The following CDH8 variants were observed in gnomAD, a reference collection of about 807,000 sequenced individuals.
CDH8 encodes cadherin 8.
A neutral mutation model predicts 68.1 loss-of-function variants in CDH8; 17 were observed. The ratio of observed to expected loss-of-function variants is 0.25; its 90% CI spans 0.17 to 0.37. CDH8 has a LOEUF of 0.37. Ranked by LOEUF, CDH8 falls within the 10% of genes least tolerant of loss-of-function variation. The pLI, the probability that CDH8 is intolerant of heterozygous loss-of-function variation, is 1.00. For synonymous variants in CDH8, 372 were observed against 365.1 expected, an observed-to-expected ratio of 1.02 and a Z score of -0.21; for missense variants, 763 against 999.3, an observed-to-expected ratio of 0.76 and a Z score of 3.19.
intron 2 of CDH8, among the ~76,000 whole-genome samples, chr16:62,006,768 T>G (rs557323404): frequency 6.6e-6 from 1 of 152,346 alleles, no homozygotes; most frequent in African/African-American, 2.4e-5. Context: ...AAACTAGCAT[T>G]AGCCTTTTCT....
chr16:61,916,565 T>C (rs1416500167), intron 2 of CDH8, among the ~76,000 whole-genome samples: 1 of 152,122 alleles, frequency 6.6e-6, no homozygotes, highest in African/African-American at 2.4e-5. Context: ...AAACGTTGTG[T>C]CTGGCCTGGT....
At chr16:61,925,134 GCTGAGGCAGT>G (rs1964436339) in intron 2 of CDH8, among the ~76,000 whole-genome samples, 1 of 152,114 alleles carries the variant, frequency 6.6e-6, no homozygotes, top group Non-Finnish European at 1.5e-5. Flanking sequence ...GAGAAAAATT[GCTGAGGCAGT>G]CCAAGAAGCT....
At chr16:61,807,598 A>AT (rs1961825507) in intron 7 of CDH8, among the ~76,000 whole-genome samples, 1 of 152,196 alleles carries the variant, frequency 6.6e-6, no homozygotes, top group Non-Finnish European at 1.5e-5. Context: ...TGCTGTGCAG[A>AT]TTGCCCTTCA....
chr16:61,779,681 T>C (rs1960997400), intron 8 of CDH8, among the ~76,000 whole-genome samples: 1 of 152,188 alleles, frequency 6.6e-6, no homozygotes. Context: ...GTTCTTCAGT[T>C]TCCTAATCTA....
intron 10 of CDH8, among the ~76,000 whole-genome samples, chr16:61,699,312 G>A (rs781034131): frequency 1.1e-4 from 17 of 152,084 alleles, no homozygotes; most frequent in African/African-American, 2.4e-4. Flanking sequence ...ACCACCATGC[G>A]TTGGATTTTA....
At chr16:61,663,429 T>C (rs1163191330) in intron 10 of CDH8, among the ~76,000 whole-genome samples, 2 of 152,036 alleles carry the variant, frequency 1.3e-5, no homozygotes, top group African/African-American at 4.8e-5. Context: ...TATGCATTAC[T>C]CTTGTGAAGT....
At chr16:61,984,798 A>G (rs1035572489) in intron 2 of CDH8, among the ~76,000 whole-genome samples, 1 of 152,192 alleles carries the variant, frequency 6.6e-6, no homozygotes, top group South Asian at 2.1e-4. Context: ...TATGCCTTCT[A>G]AAACTTATAC....
At chr16:61,771,557 A>G (rs554522760) in intron 8 of CDH8, among the ~76,000 whole-genome samples, 1 of 151,826 alleles carries the variant, frequency 6.6e-6, no homozygotes, top group Non-Finnish European at 1.5e-5. Flanking sequence ...ACTAAACAAA[A>G]ACAAAGCTTG....
intron 8 of CDH8, among the ~76,000 whole-genome samples, chr16:61,748,844 ATCTAC>A (rs1434727337): frequency 6.6e-6 from 1 of 152,054 alleles, no homozygotes; most frequent in Non-Finnish European, 1.5e-5. Flanking sequence ...GGGAAACTTT[ATCTAC>A]TCTCAGCAGC....
intron 2 of CDH8, among the ~76,000 whole-genome samples, chr16:61,943,275 G>C (rs1964752742): frequency 6.6e-6 from 1 of 152,164 alleles, no homozygotes; most frequent in Non-Finnish European, 1.5e-5. Context: ...ACCTAGAAGA[G>C]TGGCTATTTC....
chr16:62,034,100 T>C (rs1035104543), intron 1 of CDH8, among the ~76,000 whole-genome samples: 2 of 152,082 alleles, frequency 1.3e-5, no homozygotes, highest in East Asian at 1.9e-4. Context: ...AAAAAGAATG[T>C]AACCCTAAGA....
chr16:61,875,020 G>C (rs1187277946), intron 3 of CDH8, among the ~76,000 whole-genome samples: 2 of 152,122 alleles, frequency 1.3e-5, no homozygotes, highest in Non-Finnish European at 2.9e-5. Flanking sequence ...AAAATCTTTG[G>C]TGGAAACATT....
chr16:61,770,380 G>A (rs1960747243), intron 8 of CDH8, among the ~76,000 whole-genome samples: 2 of 151,822 alleles, frequency 1.3e-5, no homozygotes, highest in Non-Finnish European at 2.9e-5. Flanking sequence ...CCTAAGTCAT[G>A]ATTCTTATTA....
intron 2 of CDH8, among the ~76,000 whole-genome samples, chr16:61,922,452 C>T (rs982206820): frequency 1.3e-5 from 2 of 152,044 alleles, no homozygotes; most frequent in Admixed American, 1.3e-4. Context: ...TATAAAAAGA[C>T]ATATAAAGAG....
At chr16:61,783,791 TAAAGA>T (rs1395934336) in intron 8 of CDH8, among the ~76,000 whole-genome samples, 1 of 152,016 alleles carries the variant, frequency 6.6e-6, no homozygotes, top group Non-Finnish European at 1.5e-5. Flanking sequence ...TCAACATTCT[TAAAGA>T]AAAGAATTTT....
chr16:61,700,763 G>T (rs944537549), intron 10 of CDH8, among the ~76,000 whole-genome samples: 1 of 152,098 alleles, frequency 6.6e-6, no homozygotes, highest in African/African-American at 2.4e-5. Flanking sequence ...GGTAGCCAAA[G>T]GCTCTTTAAT....
intron 1 of CDH8, among the ~76,000 whole-genome samples, chr16:62,021,892 T>G (rs1902084439): frequency 6.6e-6 from 1 of 152,208 alleles, no homozygotes; most frequent in South Asian, 2.1e-4. Flanking sequence ...CTCCCTCTCT[T>G]CCTTCTTTTC....
intron 2 of CDH8, among the ~76,000 whole-genome samples, chr16:61,965,100 G>A (rs752431646): frequency 6.6e-6 from 1 of 152,084 alleles, no homozygotes; most frequent in Non-Finnish European, 1.5e-5. Context: ...TGGGGGTTGA[G>A]GTTGGGGGCA....
chr16:61,803,288 G>A (rs1961704121), intron 7 of CDH8, among the ~76,000 whole-genome samples: 1 of 131,350 alleles, frequency 7.6e-6, no homozygotes, highest in South Asian at 2.5e-4. Flanking sequence ...TCACCACTAG[G>A]CCTGCCCTAA....
Sources: allele counts gnomAD v4.1 joint callset (sites outside exome capture counted in the v4.1 genomes callset), GRCh38; gene constraint gnomAD v4.1.1; transcripts MANE v1.5; gene names NCBI Gene and HGNC (gene_info 2026-07-23, HGNC 2026-07-21).